Variants in CTCF observed in about 807,000 individuals in gnomAD.
The protein encoded by CTCF is transcriptional repressor CTCF.
In CTCF, 7 loss-of-function variants were observed where a neutral mutation model predicts 72.3. The ratio of observed to expected loss-of-function variants is 0.10; its 90% CI spans 0.06 to 0.18. The LOEUF (loss-of-function observed/expected upper bound fraction) is 0.18. Ranked by LOEUF, CTCF falls within the 10% of genes least tolerant of loss-of-function variation. The pLI is 1.00. For synonymous variants in CTCF, 374 were observed against 315.8 expected (o/e 1.18, Z -1.95); for missense variants, 516 against 949.1 (o/e 0.54, Z 6.00).
At chr16:67,604,404 G>A (rs190768098) in intron 2 of CTCF, among the ~76,000 whole-genome samples, 19 of 152,160 alleles carry the variant, frequency 1.2e-4, no homozygotes, top group South Asian at 1.2e-3. Context: ...GTGCAGTGGC[G>A]CGATCTTGGC....
chr16:67,636,900 T>C, intron 11 of CTCF, 49 bp downstream of exon 11: 1 of 1,422,046 alleles, frequency 7.0e-7, no homozygotes, highest in Non-Finnish European at 9.3e-7. Context: ...TCCGAGCATG[T>C]GGGGGAGCCA....
At chr16:67,635,035 T>G (rs2052411598) in intron 10 of CTCF, among the ~76,000 whole-genome samples, 1 of 150,860 alleles carries the variant, frequency 6.6e-6, no homozygotes, top group Non-Finnish European at 1.5e-5. Context: ...GTTTGTTTGT[T>G]TTTTTGAGAC....
At chr16:67,576,122 C>T (rs1597681234) in intron 2 of CTCF, among the ~76,000 whole-genome samples, 1 of 121,792 alleles carries the variant, frequency 8.2e-6, no homozygotes, top group African/African-American at 3.2e-5. Flanking sequence ...GCCTGGGTGA[C>T]AGAGTGAGAC....
intron 10 of CTCF, among the ~76,000 whole-genome samples, chr16:67,631,312 G>GC (rs912289915): frequency 2.0e-5 from 3 of 151,912 alleles, no homozygotes; most frequent in African/African-American, 7.3e-5. Flanking sequence ...TTACAGGCAT[G>GC]CCCCACCACA....
intron 2 of CTCF, among the ~76,000 whole-genome samples, chr16:67,608,982 C>G (rs982817675): frequency 6.6e-6 from 1 of 152,156 alleles, no homozygotes; most frequent in African/African-American, 2.4e-5. Flanking sequence ...CTCAGGTGAT[C>G]CACACACCTC....
intron 4 of CTCF, among the ~76,000 whole-genome samples, chr16:67,613,642 G>A (rs2052089422): frequency 6.6e-6 from 1 of 152,134 alleles, no homozygotes; most frequent in Non-Finnish European, 1.5e-5. Context: ...TGGGTGTAGT[G>A]GCACACGCCT....
At chr16:67,571,409 C>A (rs920325815) in intron 2 of CTCF, 145 bp downstream of exon 2, 1 of 152,392 alleles carries the variant, frequency 6.6e-6, no homozygotes, top group East Asian at 1.9e-4. Flanking sequence ...AATCAGAGTC[C>A]TGGGTTTGAA....
chr16:67,595,800 T>A (rs372254946), intron 2 of CTCF, among the ~76,000 whole-genome samples: 2 of 152,192 alleles, frequency 1.3e-5, no homozygotes, highest in African/African-American at 4.8e-5. Context: ...CCTCCCTTTT[T>A]AAATATAGAA....
At chr16:67,612,899 C>T (rs562408815) in intron 4 of CTCF, among the ~76,000 whole-genome samples, 2 of 152,176 alleles carry the variant, frequency 1.3e-5, no homozygotes, top group Non-Finnish European at 2.9e-5. Flanking sequence ...GATAGTGCTA[C>T]TGCACTCCAG....
chr16:67,587,693 G>A (rs1435383774), intron 2 of CTCF, among the ~76,000 whole-genome samples: 1 of 152,040 alleles, frequency 6.6e-6, no homozygotes. Flanking sequence ...GGAAGCAGAG[G>A]CAGGAGGATA....
intron 3 of CTCF, 42 bp from the exon 4 acceptor site, chr16:67,611,909 T>C (rs2142827691): frequency 1.3e-6 from 2 of 1,570,368 alleles, no homozygotes; most frequent in Non-Finnish European, 1.8e-6. Flanking sequence ...ATCTTAACAC[T>C]TTGAAACTCT....
intron 2 of CTCF, among the ~76,000 whole-genome samples, chr16:67,573,968 T>C (rs1252647222): frequency 6.6e-6 from 1 of 151,886 alleles, no homozygotes; most frequent in Non-Finnish European, 1.5e-5. Flanking sequence ...GAGGCGGAAG[T>C]TGCAGTGAGC....
intron 1 of CTCF, among the ~76,000 whole-genome samples, chr16:67,563,070 C>T (rs1003133879): frequency 1.7e-4 from 26 of 151,876 alleles, no homozygotes; most frequent in East Asian, 1.2e-3. Flanking sequence ...GCCGATCGCC[C>T]GGCCGCGGCC....
chr16:67,564,400 A>G (rs909154659), intron 1 of CTCF, among the ~76,000 whole-genome samples: 1 of 152,362 alleles, frequency 6.6e-6, no homozygotes, highest in Middle Eastern at 3.4e-3. Flanking sequence ...AAAGTTGTCC[A>G]GTCCACTGTA....
At chr16:67,585,972 C>T (rs2051663866) in intron 2 of CTCF, among the ~76,000 whole-genome samples, 1 of 152,096 alleles carries the variant, frequency 6.6e-6, no homozygotes, top group Admixed American at 6.6e-5. Flanking sequence ...CCCTCCCTGC[C>T]CTCCACCCTA....
chr16:67,636,558 AG>A, intron 10 of CTCF, 131 bp from the exon 11 acceptor site: 1 of 287,094 alleles, frequency 3.5e-6, no homozygotes. Context: ...AAAAAAAAAA[AG>A]AAAGAAAGTG....
chr16:67,631,202 G>A (rs1469185711), intron 10 of CTCF, among the ~76,000 whole-genome samples: 1 of 128,078 alleles, frequency 7.8e-6, no homozygotes, highest in South Asian at 2.5e-4. Context: ...TCTCCCTCTT[G>A]TTGCCCAGGC....
At chr16:67,590,924 G>A (rs1032375883) in intron 2 of CTCF, among the ~76,000 whole-genome samples, 3 of 137,014 alleles carry the variant, frequency 2.2e-5, no homozygotes, top group African/African-American at 8.5e-5. Flanking sequence ...TGGCACCATT[G>A]CACTCCAGCC....
chr16:67,572,433 C>T (rs2051435759), intron 2 of CTCF: 2 of 152,156 alleles, frequency 1.3e-5, no homozygotes, highest in African/African-American at 2.4e-5. Flanking sequence ...TTATGACTAG[C>T]TTAATTGCTT....
Sources: allele counts gnomAD v4.1 joint callset (sites outside exome capture counted in the v4.1 genomes callset), GRCh38; gene constraint gnomAD v4.1.1; transcripts MANE v1.5; gene names NCBI Gene and HGNC (gene_info 2026-07-23, HGNC 2026-07-21).